Variants in KIF13A observed in about 807,000 individuals in gnomAD.
The protein encoded by KIF13A is kinesin family member 13A, also known as kinesin-like protein KIF13A.
Under a neutral mutation model 212.2 loss-of-function variants are expected in KIF13A, and 79 were observed. The observed-to-expected ratio is 0.37, with a 90% CI of 0.31 to 0.45. The LOEUF is 0.45. Among genes scored for constraint, KIF13A ranks in the 20% least tolerant of loss-of-function variants. The probability of loss-of-function intolerance (pLI) is 1.00; values close to 1 mark genes in which losing one functional copy is unlikely to be tolerated. For synonymous variants in KIF13A, 789 were observed against 808.6 expected (o/e 0.98, Z 0.41); for missense variants, 1,901 against 2,209.0 (o/e 0.86, Z 2.79).
At chr6:17,858,881 A>C (rs1488476483) in intron 4 of KIF13A, among the ~76,000 whole-genome samples, 1 of 152,160 alleles carries the variant, frequency 6.6e-6, no homozygotes, top group Non-Finnish European at 1.5e-5. Flanking sequence ...CATGATTTCA[A>C]TTCATATTTA....
At chr6:17,884,387 G>A (rs1474150855) in intron 3 of KIF13A, among the ~76,000 whole-genome samples, 1 of 152,208 alleles carries the variant, frequency 6.6e-6, no homozygotes, top group Non-Finnish European at 1.5e-5. Flanking sequence ...TAGAGCGTTT[G>A]TTATGTACCA....
intron 38 of KIF13A, among the ~76,000 whole-genome samples, chr6:17,766,714 C>G (rs1191552395): frequency 1.3e-5 from 2 of 152,046 alleles, no homozygotes; most frequent in East Asian, 3.9e-4. Flanking sequence ...ATCACTGTAC[C>G]TGGCCCATAA....
At chr6:17,823,157 T>C (rs540509897) in intron 16 of KIF13A, among the ~76,000 whole-genome samples, 2 of 151,622 alleles carry the variant, frequency 1.3e-5, no homozygotes, top group East Asian at 3.9e-4. Context: ...CTGCCTCAGC[T>C]TCCTGGGTAG....
chr6:17,979,335 T>C (rs1338216880), intron 2 of KIF13A, among the ~76,000 whole-genome samples: 2 of 152,214 alleles, frequency 1.3e-5, no homozygotes, highest in East Asian at 3.8e-4. Flanking sequence ...ACTATCCTTA[T>C]GAATGTGGGT....
At position 17,763,843 on chromosome 6, in the gene KIF13A, G is replaced by C. The variant is rs1416570721; in HGVS notation, c.*267C>G. ...GAAAACTGGTAACTAAACATCCCAG[G>C]GAATGAATATGAGATTGATCCTTAT... On this transcript the variant is annotated 3_prime_UTR_variant, in exon 39 of 39. Transcript: ENST00000259711. 6.4e-6 allele frequency: 8 copies of C among 1,252,314 alleles called. No individual in the cohort carries two copies. Among genetic ancestry groups the C allele is most frequent in the Non-Finnish European group, 8.0e-6 (8 of 997,014 alleles). 77.6% of individuals were successfully genotyped at this position (1,252,314 alleles called of 1,614,324 possible). A position where few individuals can be genotyped will look rare whatever the true frequency, so the allele number is the denominator to read the frequency against.
rs75554746 is a variant in KIF13A at position 17,795,428 on chromosome 6, C to CA, written c.2943-725dup. On this transcript the variant is annotated intron_variant, in intron 23 of 38. Coordinates refer to ENST00000259711, the MANE Select transcript of KIF13A (RefSeq NM_022113.6). ...TGAAACCCTGTCTCTACCAAAAATACAAAAAAAAAAAAAAAAATTATCCGG... is the reference window on the plus strand; with the variant it reads ...TGAAACCCTGTCTCTACCAAAAATACAAAAAAAAAAAAAAAAAATTATCCGG... 3.5e-3 allele frequency among the ~76,000 whole-genome samples: 323 copies of CA among 91,776 alleles called. 1 individual carries two copies. The highest frequency in any genetic ancestry group is 0.018 in the Middle Eastern group (3 of 170). The allele number at this position is 91,776 out of a possible 152,430, so 60.2% of individuals were successfully genotyped here. A position where few individuals can be genotyped will look rare whatever the true frequency, so the allele number is the denominator to read the frequency against.
chr6:17,780,945 A>G (rs773547461), intron 30 of KIF13A, 39 bp from the exon 31 acceptor site: 2 of 1,580,704 alleles, frequency 1.3e-6, no homozygotes, highest in Admixed American at 1.7e-5. Context: ...GAAACAAGAC[A>G]AAAGTCAGAT....
chr6:17,901,430 C>T (rs528091633), intron 2 of KIF13A, among the ~76,000 whole-genome samples: 17 of 152,126 alleles, frequency 1.1e-4, no homozygotes, highest in African/African-American at 3.9e-4. Context: ...ACTTAACAGG[C>T]TGAGATTGCT....
At chr6:17,781,431 CT>C in intron 29 of KIF13A, 130 bp from the exon 30 acceptor site, 1 of 924,892 alleles carries the variant, frequency 1.1e-6, no homozygotes, top group Non-Finnish European at 1.6e-6. Context: ...TCTTTCATTC[CT>C]TATTCTGCAG....
chr6:17,904,143 T>C (rs955227876), intron 2 of KIF13A, among the ~76,000 whole-genome samples: 3 of 150,448 alleles, frequency 2.0e-5, no homozygotes, highest in African/African-American at 7.4e-5. Context: ...GGTGACAGAG[T>C]GAGACTCTGT....
At chr6:17,848,460 A>G (rs1767286582) in intron 9 of KIF13A, among the ~76,000 whole-genome samples, 1 of 151,036 alleles carries the variant, frequency 6.6e-6, no homozygotes, top group Admixed American at 6.6e-5. Flanking sequence ...CTTCCATGAG[A>G]TCAACTTTTT....
rs1774762405 is a variant in KIF13A, at chr6:17,918,689, CAA to C, written c.147-20511_147-20510del. On this transcript the variant is annotated intron_variant, in intron 2 of 38. Coordinates refer to ENST00000259711, the MANE Select transcript of KIF13A (RefSeq NM_022113.6). This position sits in a 1 kb window ranked among gnomAD's most constrained non-coding sequence, Gnocchi z 4.8. ...GCACTCCCATCCCCAGGCATCTGCACAAGAAGCTCCCTCTGCCTGGAAAGCCC... is the reference window on the plus strand; with the variant it reads ...GCACTCCCATCCCCAGGCATCTGCACGAAGCTCCCTCTGCCTGGAAAGCCC... 6.6e-6 allele frequency among the ~76,000 whole-genome samples: 1 copy of C among 152,098 alleles called. No homozygotes were observed. Among genetic ancestry groups the C allele is most frequent in the African/African-American group, 2.4e-5 (1 of 41,410 alleles).
Position 17,899,389 on chromosome 6 carries a change from A to G in KIF13A, c.147-1209T>C, listed in dbSNP as rs1447936988. 6.6e-6 allele frequency among the ~76,000 whole-genome samples: 1 copy of G among 152,226 alleles called. No individual in the cohort carries two copies. Among genetic ancestry groups the G allele is most frequent in the Non-Finnish European group, 1.5e-5 (1 of 68,038 alleles). ...GGAAATAGAATCATGGGGCTAAGAA[A>G]GTAGATTTTCCAGGGCAGAGGGCAC... is the stretch of plus-strand genomic sequence containing the variant. On this transcript the variant is annotated intron_variant, in intron 2 of 38. Transcript: ENST00000259711. This position sits in a 1 kb window ranked among gnomAD's most constrained non-coding sequence, Gnocchi z 5.2.
chr6:17,776,868 C>T lies in KIF13A; in HGVS notation c.4170+409G>A, dbSNP rs964447776. Among the ~76,000 whole-genome samples, 1 of 152,178 alleles carries T rather than the reference C, an allele frequency of 6.6e-6. No homozygotes were observed. The highest frequency in any genetic ancestry group is 1.5e-5 in the Non-Finnish European group (1 of 68,038). On this transcript the variant is annotated intron_variant, in intron 34 of 38. Transcript: ENST00000259711. This position sits in a 1 kb window ranked among gnomAD's most constrained non-coding sequence, Gnocchi z 4.6. ...CAACTAGGGACTCCAAGAGTGCCTA[C>T]ATGCAGTGGCTGACTCCTTATCACA... is the stretch of plus-strand genomic sequence containing the variant.
intron 2 of KIF13A, among the ~76,000 whole-genome samples, chr6:17,965,100 G>C (rs1253151930): frequency 6.6e-6 from 1 of 152,136 alleles, no homozygotes; most frequent in Non-Finnish European, 1.5e-5. Context: ...ATAGCGCTGA[G>C]ATTAAGGCAT....
At position 17,800,056 on chromosome 6, in the gene KIF13A, C is replaced by T. The variant is rs1443309884; in HGVS notation, c.2512G>A (p.Val838Met). 6.2e-7 allele frequency: 1 copy of T among 1,613,914 alleles called. No individual in the cohort carries two copies. The highest frequency in any genetic ancestry group is 1.3e-5 in the African/African-American group (1 of 74,924). Residue 838 changes from valine to methionine, a missense_variant, in exon 21 of 39, where the codon GTG (valine) becomes ATG (methionine). By Grantham distance (21) the Val-to-Met change is conservative (BLOSUM62 1). Transcript: ENST00000259711. ...MRVTGAVPER[V>M]VEDDSSENSS... ...TTCTCCGAAGAGTCATCCTCCACCA[C>T]ACGCTCTGGAACAGCTCCTGTAACA... is the stretch of plus-strand genomic sequence containing the variant.
At position 17,808,765 on chromosome 6, in the gene KIF13A, T is replaced by C. The variant is rs908501713; in HGVS notation, c.2163+3A>G. On this transcript the variant is annotated splice_donor_region_variant and intron_variant, in intron 18 of 38. Transcript: ENST00000259711. ...TGCCCTCTCACTTGAAGGACATTCT[T>C]ACCTTCCTATTGGCACTGAGGTTTG... is the stretch of plus-strand genomic sequence containing the variant. The C allele has an allele frequency of 1.9e-6, 3 of 1,609,810 alleles. No individual in the cohort carries two copies. Among genetic ancestry groups the C allele is most frequent in the East Asian group, 2.2e-5 (1 of 44,818 alleles).
intron 38 of KIF13A, among the ~76,000 whole-genome samples, chr6:17,765,670 C>T (rs1758879144): frequency 6.6e-6 from 1 of 152,000 alleles, no homozygotes; most frequent in African/African-American, 2.4e-5. Flanking sequence ...GTTTTCAAGC[C>T]CCTGTTCACA....
chr6:17,775,254 G>GT (rs1299238871), intron 34 of KIF13A, among the ~76,000 whole-genome samples, 192 bp from the exon 35 acceptor site: 1 of 152,004 alleles, frequency 6.6e-6, no homozygotes, highest in Non-Finnish European at 1.5e-5. Flanking sequence ...TTATATAATT[G>GT]TATGTGTATA....
Sources: gnomAD v4.1 joint callset for allele counts (sites outside exome capture counted in the v4.1 genomes callset) on GRCh38, gnomAD v4.1.1 for gene constraint, Gnocchi (gnomAD v3.1) non-coding constraint, MANE v1.5 for transcripts, NCBI Gene and HGNC (gene_info 2026-07-23, HGNC 2026-07-21) for gene names.